The following COL28A1 variants were observed in gnomAD, a reference collection of about 807,000 sequenced individuals.
COL28A1 encodes collagen type XXVIII alpha 1 chain, also known as collagen alpha-1(XXVIII) chain.
COL28A1 carries 161 observed loss-of-function variants against 150.2 expected under a neutral mutation model. The ratio of observed to expected loss-of-function variants is 1.07; its 90% CI spans 0.94 to 1.22. COL28A1 has a LOEUF of 1.22. COL28A1 is among the 50% of genes most tolerant of loss of function. The pLI, the probability that COL28A1 is intolerant of heterozygous loss-of-function variation, is 0.00. For synonymous variants in COL28A1, 552 were observed against 469.7 expected, an observed-to-expected ratio of 1.18 and a Z score of -2.26; for missense variants, 1,617 against 1,388.3, an observed-to-expected ratio of 1.16 and a Z score of -2.62.
intron 21 of COL28A1, among the ~76,000 whole-genome samples, chr7:7,438,046 C>T (rs1309026463): frequency 1.3e-5 from 2 of 151,490 alleles, no homozygotes; most frequent in Non-Finnish European, 2.9e-5. Context: ...GCCAGCCTGG[C>T]CAACATGGCA....
At chr7:7,444,626 C>T in intron 18 of COL28A1, 137 bp from the exon 19 acceptor site, 1 of 786,910 alleles carries the variant, frequency 1.3e-6, no homozygotes, top group Non-Finnish European at 2.0e-6. Flanking sequence ...ACTATTTGAT[C>T]TTGGGAAGCT....
At chr7:7,445,450 G>T (rs1458445581) in intron 18 of COL28A1, among the ~76,000 whole-genome samples, 1 of 152,162 alleles carries the variant, frequency 6.6e-6, no homozygotes, top group Admixed American at 6.5e-5. Flanking sequence ...CTAGCCTCTA[G>T]AACTGAGAGA....
rs1779966866 is a variant in COL28A1 at position 7,492,440 on chromosome 7, C to G, written c.1027-1794G>C. ...TACTAAAAAAAAAAAAAAAAATTAG[C>G]TGGGCCTGGTGGCATGTGCCTATAG... On this transcript the variant is annotated intron_variant, in intron 11 of 34. Transcript: ENST00000399429. Among the ~76,000 whole-genome samples, 4 of 150,606 alleles carry G rather than the reference C, an allele frequency of 2.7e-5. No individual in the cohort carries two copies. The South Asian group carries it at 8.4e-4, about 32-fold the overall frequency.
At chr7:7,385,145 T>C (rs1323558660) in intron 27 of COL28A1, among the ~76,000 whole-genome samples, 1 of 152,216 alleles carries the variant, frequency 6.6e-6, no homozygotes, top group Non-Finnish European at 1.5e-5. Context: ...GCAAATAGTA[T>C]AGGAACGATA....
intron 27 of COL28A1, among the ~76,000 whole-genome samples, chr7:7,397,137 G>C (rs902433400): frequency 2.6e-5 from 4 of 152,126 alleles, no homozygotes; most frequent in Non-Finnish European, 2.9e-5. Context: ...AATTTCACTG[G>C]GCTACAGTCA....
intron 20 of COL28A1, among the ~76,000 whole-genome samples, chr7:7,441,395 T>C (rs891557409): frequency 2.6e-5 from 4 of 151,952 alleles, no homozygotes; most frequent in Non-Finnish European, 5.9e-5. Context: ...AACTGACTAC[T>C]AGATGTTGCC....
chr7:7,433,225 C>T (rs960305013), intron 23 of COL28A1, among the ~76,000 whole-genome samples: 3 of 152,080 alleles, frequency 2.0e-5, no homozygotes, highest in African/African-American at 7.2e-5. Context: ...TGATTATTGT[C>T]CTTTAGACAA....
Position 7,360,432 on chromosome 7 carries a change from T to C in COL28A1, c.3163A>G (p.Thr1055Ala), listed in dbSNP as rs749713960. ...PATTSSEATT[T>A]PRPLLSTPVD... is the part of the protein sequence containing the mutation. ...GGGGTGCTGAGCAGTGGCCTGGGGG[T>C]GGTGGTGGCCTCAGATGAGGTAGTG... The change falls in exon 34 of 35, where the codon ACC becomes GCC. Residue 1055 changes from threonine to alanine, a missense_variant. Coordinates refer to ENST00000399429, the MANE Select transcript of COL28A1 (RefSeq NM_001037763.3). The C allele has an allele frequency of 5.6e-6, 9 of 1,606,104 alleles. No individual in the cohort carries two copies. The highest frequency in any genetic ancestry group is 6.8e-6 in the Non-Finnish European group (8 of 1,177,620).
rs1781819811 is a variant in COL28A1, at chr7:7,380,643, C to T, written c.2322+17G>A. On this transcript the variant is annotated intron_variant, in intron 30 of 34. Coordinates refer to ENST00000399429, the MANE Select transcript of COL28A1 (RefSeq NM_001037763.3). ...CAAGCACAAAACCCTCAATTACCCTCTAGAATGGATACTCACTGTAAGTCC... is the reference window on the plus strand; with the variant it reads ...CAAGCACAAAACCCTCAATTACCCTTTAGAATGGATACTCACTGTAAGTCC... 1.2e-6 allele frequency: 2 copies of T among 1,610,838 alleles called. No homozygotes were observed. The highest frequency in any genetic ancestry group is 2.7e-5 in the African/African-American group (2 of 74,836).
chr7:7,371,375 C>T (rs1262456298), intron 32 of COL28A1, among the ~76,000 whole-genome samples: 2 of 152,224 alleles, frequency 1.3e-5, no homozygotes, highest in Non-Finnish European at 1.5e-5. Context: ...ATAAACAAAC[C>T]CACCAGTCAG....
chr7:7,526,847 C>A (rs1216057323), intron 3 of COL28A1, among the ~76,000 whole-genome samples: 1 of 152,076 alleles, frequency 6.6e-6, no homozygotes, highest in African/African-American at 2.4e-5. Context: ...GTCGGCCAGG[C>A]TGGTCTCAAA....
At chr7:7,417,968 A>G (rs1383641540) in intron 26 of COL28A1, 41 bp from the exon 27 acceptor site, 4 of 1,521,094 alleles carry the variant, frequency 2.6e-6, no homozygotes, top group Non-Finnish European at 3.6e-6. Context: ...AAATGTAAGA[A>G]GATCGAAGAA....
At chr7:7,406,894 G>A (rs1171714594) in intron 27 of COL28A1, among the ~76,000 whole-genome samples, 1 of 151,836 alleles carries the variant, frequency 6.6e-6, no homozygotes, top group Non-Finnish European at 1.5e-5. Context: ...AATATTATAG[G>A]AATACCTTAG....
chr7:7,477,804 A>G (rs184989440), intron 13 of COL28A1, among the ~76,000 whole-genome samples: 208 of 152,268 alleles, frequency 1.4e-3, no homozygotes, highest in African/African-American at 4.8e-3. Context: ...TCTGCTGGCT[A>G]GGGCAGCCTG....
In COL28A1 at chr7:7,389,238, A is replaced by G. The variant is rs142726496; in HGVS notation, c.2137-7626T>C. Among the ~76,000 whole-genome samples, 467 of 152,266 alleles carry G rather than the reference A, an allele frequency of 3.1e-3. 6 individuals are homozygous for G. Among genetic ancestry groups the G allele is most frequent in the African/African-American group, 0.011 (447 of 41,534 alleles). On this transcript the variant is annotated intron_variant, in intron 27 of 34. Coordinates refer to ENST00000399429, the MANE Select transcript of COL28A1 (RefSeq NM_001037763.3). ...ATGACTAGCCAGTTTTCCCAACACC[A>G]TTTATTAAATAGGAAATCCTTTCCT...
chr7:7,501,124 C>G (rs1396620181), intron 11 of COL28A1, among the ~76,000 whole-genome samples: 1 of 151,962 alleles, frequency 6.6e-6, no homozygotes, highest in East Asian at 1.9e-4. Flanking sequence ...AAAGTAAGAC[C>G]AAGTCTCATA....
chr7:7,460,195 T>G (rs1251560299), intron 15 of COL28A1, among the ~76,000 whole-genome samples: 1 of 152,216 alleles, frequency 6.6e-6, no homozygotes, highest in Non-Finnish European at 1.5e-5. Context: ...TATGTGGTCT[T>G]CCTTCCTTCA....
intron 25 of COL28A1, among the ~76,000 whole-genome samples, chr7:7,422,645 AAAGG>A (rs1784438517): frequency 6.6e-6 from 1 of 151,982 alleles, no homozygotes; most frequent in African/African-American, 2.4e-5. Flanking sequence ...AGAAAAAAAA[AAAGG>A]AAGGATATAG....
chr7:7,339,250 A>T, the COL28A1 span, among the ~76,000 whole-genome samples: 1 of 152,156 alleles, frequency 6.6e-6, no homozygotes, highest in East Asian at 1.9e-4. Context: ...AGCTAAATTA[A>T]TTGAAATAAC....
Sources: allele counts gnomAD v4.1 joint callset (sites outside exome capture counted in the v4.1 genomes callset), GRCh38; gene constraint gnomAD v4.1.1; transcripts MANE v1.5; gene names NCBI Gene and HGNC (gene_info 2026-07-23, HGNC 2026-07-21).